TMEM108: variants seen among roughly 807,000 people sequenced by gnomAD.
TMEM108 encodes cancer/testis antigen 124.
TMEM108 carries 12 observed loss-of-function variants against 35.1 expected under a neutral mutation model. That is an observed-to-expected ratio of 0.34 (90% CI 0.22 to 0.55). The LOEUF is 0.55. Among genes scored for constraint, TMEM108 ranks in the 20% least tolerant of loss-of-function variants. The probability of loss-of-function intolerance (pLI) is 0.89; values close to 1 mark genes in which losing one functional copy is unlikely to be tolerated. For missense variants in TMEM108, 680 were observed against 753.3 expected (o/e 0.90, Z 1.14); for synonymous variants, 287 against 308.6 (o/e 0.93, Z 0.73).
chr3:133,335,926 T>A (rs953892457), intron 3 of TMEM108, among the ~76,000 whole-genome samples: 5 of 152,042 alleles, frequency 3.3e-5, no homozygotes, highest in African/African-American at 7.3e-5. Context: ...TGTGGGACAG[T>A]GTGTTGAACT....
chr3:133,219,356 C>A (rs1945954729), intron 2 of TMEM108, among the ~76,000 whole-genome samples: 2 of 151,784 alleles, frequency 1.3e-5, no homozygotes, highest in East Asian at 1.9e-4. Context: ...TTTATTTATG[C>A]TTTGGCCTTT....
intron 3 of TMEM108, among the ~76,000 whole-genome samples, chr3:133,318,605 A>G (rs9968203): frequency 0.018 from 2,693 of 152,346 alleles, 70 homozygotes; most frequent in African/African-American, 0.06. Flanking sequence ...TCTCTCCCAG[A>G]TGAGGGTGCA....
chr3:133,222,592 A>G (rs1244429514), intron 2 of TMEM108, among the ~76,000 whole-genome samples: 1 of 151,594 alleles, frequency 6.6e-6, no homozygotes, highest in Non-Finnish European at 1.5e-5. Context: ...TCCTCTGACT[A>G]TATATTTTCA....
At chr3:133,198,930 A>G (rs977591550) in intron 2 of TMEM108, among the ~76,000 whole-genome samples, 8 of 152,144 alleles carry the variant, frequency 5.3e-5, no homozygotes, top group African/African-American at 1.9e-4. Flanking sequence ...AGGTACACCA[A>G]TCAGACGTAG....
At position 133,167,547 on chromosome 3, in the gene TMEM108, G is replaced by A. The variant is rs183002935; in HGVS notation, c.-46-61719G>A. On this transcript the variant is annotated intron_variant, in intron 2 of 5. Coordinates refer to ENST00000321871, the MANE Select transcript of TMEM108 (RefSeq NM_023943.4). ...CCCAAGCCCTGCCCCGCGGGGAGGC[G>A]GCTGAAGCCCAGCGAGAATTCGAGC... Among the ~76,000 whole-genome samples the A allele has an allele frequency of 1.8e-4, 28 of 152,366 alleles. No homozygotes were observed. The South Asian group carries it at 3.5e-3, about 19-fold the overall frequency.
intron 3 of TMEM108, among the ~76,000 whole-genome samples, chr3:133,265,306 T>C (rs1393527778): frequency 1.3e-5 from 2 of 152,320 alleles, no homozygotes; most frequent in East Asian, 1.9e-4. Flanking sequence ...ATGTTCTACC[T>C]TGAAGCTTTG....
chr3:133,070,741 A>ATGTGTG lies in TMEM108; in HGVS notation c.-47+24724_-47+24725insGTGTGT, dbSNP rs1354545717. ...CTCTTTGCAGTGAATGCTTTCTCTG[A>ATGTGTG]TGTATGTGTGTGTGTGTGTGTGTGT... On this transcript the variant is annotated intron_variant, in intron 2 of 5. Coordinates refer to ENST00000321871, the MANE Select transcript of TMEM108 (RefSeq NM_023943.4). Among the ~76,000 whole-genome samples the ATGTGTG allele has an allele frequency of 8.1e-5, 7 of 86,186 alleles. No homozygotes were observed. The South Asian group carries it at 1.9e-3, about 24-fold the overall frequency. 56.5% of individuals were successfully genotyped at this position (86,186 alleles called of 152,430 possible). A position where few individuals can be genotyped will look rare whatever the true frequency, so the allele number is the denominator to read the frequency against.
At chr3:133,250,916 G>A (rs1240104651) in intron 3 of TMEM108, among the ~76,000 whole-genome samples, 3 of 151,890 alleles carry the variant, frequency 2.0e-5, no homozygotes, top group Non-Finnish European at 4.4e-5. Context: ...ATCTCTTAAA[G>A]CAGAATTCTT....
chr3:133,262,991 T>C (rs1220671684), intron 3 of TMEM108, among the ~76,000 whole-genome samples: 1 of 152,218 alleles, frequency 6.6e-6, no homozygotes, highest in Admixed American at 6.5e-5. Flanking sequence ...TACTTAAAAC[T>C]TGTGTATTTT....
At chr3:133,314,162 T>TA (rs900345855) in intron 3 of TMEM108, among the ~76,000 whole-genome samples, 7 of 152,172 alleles carry the variant, frequency 4.6e-5, no homozygotes, top group African/African-American at 1.7e-4. Context: ...CTAATGAAGA[T>TA]AAATGAACAT....
At chr3:133,349,339 A>G (rs2071919850) in intron 3 of TMEM108, among the ~76,000 whole-genome samples, 1 of 152,162 alleles carries the variant, frequency 6.6e-6, no homozygotes, top group Non-Finnish European at 1.5e-5. Context: ...TAAATAGTAA[A>G]GGGATTATTT....
At chr3:133,379,259 A>G (rs1308073831) in intron 3 of TMEM108, among the ~76,000 whole-genome samples, 2 of 152,176 alleles carry the variant, frequency 1.3e-5, no homozygotes, top group African/African-American at 4.8e-5. Context: ...GATTCAGAAA[A>G]GGGCATAAGA....
chr3:133,319,209 G>A (rs2071235155), intron 3 of TMEM108, among the ~76,000 whole-genome samples: 1 of 152,086 alleles, frequency 6.6e-6, no homozygotes, highest in Admixed American at 6.6e-5. Context: ...AGTCTGAGCT[G>A]GGTCCTGCCT....
chr3:133,132,129 C>A (rs368548479), intron 2 of TMEM108, among the ~76,000 whole-genome samples: 5 of 152,122 alleles, frequency 3.3e-5, no homozygotes, highest in African/African-American at 1.2e-4. Flanking sequence ...TACCAAGTGA[C>A]GCAGCAAGTG....
intron 4 of TMEM108, chr3:133,386,832 G>A: frequency 1.5e-6 from 1 of 663,246 alleles, no homozygotes; most frequent in Non-Finnish European, 1.9e-6. Flanking sequence ...TCAAGACCTG[G>A]ACTCAAGTTG....
intron 3 of TMEM108, among the ~76,000 whole-genome samples, chr3:133,317,687 G>C (rs745508873): frequency 7.2e-5 from 11 of 151,992 alleles, no homozygotes; most frequent in Admixed American, 2.6e-4. Context: ...GAACCAAAAG[G>C]GTCTATTTTC....
chr3:133,081,265 G>A (rs1466099139), intron 2 of TMEM108, among the ~76,000 whole-genome samples: 1 of 152,176 alleles, frequency 6.6e-6, no homozygotes, highest in African/African-American at 2.4e-5. Context: ...TGAGATCAGG[G>A]TACCAGTATG....
intron 4 of TMEM108, chr3:133,386,302 A>G: frequency 8.9e-7 from 1 of 1,121,984 alleles, no homozygotes; most frequent in Non-Finnish European, 1.3e-6. Flanking sequence ...TATTCATCTT[A>G]TTGTTTTTAA....
intron 3 of TMEM108, among the ~76,000 whole-genome samples, chr3:133,378,890 G>C (rs1191493762): frequency 6.7e-6 from 1 of 148,858 alleles, no homozygotes; most frequent in Non-Finnish European, 1.5e-5. Context: ...TCAGAGTTCA[G>C]CCACATGAAT....
Sources: gnomAD v4.1 joint callset for allele counts (sites outside exome capture counted in the v4.1 genomes callset) on GRCh38, gnomAD v4.1.1 for gene constraint, MANE v1.5 for transcripts, NCBI Gene and HGNC (gene_info 2026-07-23, HGNC 2026-07-21) for gene names.